The following TSHR variants were observed in gnomAD, a reference collection of about 807,000 sequenced individuals.
The protein encoded by TSHR is thyroid stimulating hormone receptor, also known as thyrotropin receptor.
Under a neutral mutation model 64.1 loss-of-function variants are expected in TSHR, and 51 were observed. That is an observed-to-expected ratio of 0.80 (90% CI 0.64 to 1.01). TSHR has a LOEUF of 1.01. TSHR is among the 50% of genes least tolerant of loss of function. The probability of loss-of-function intolerance (pLI) is 0.00; values close to 1 mark genes in which losing one functional copy is unlikely to be tolerated. For missense variants in TSHR, 877 were observed against 942.8 expected, an observed-to-expected ratio of 0.93 and a Z score of 0.91; for synonymous variants, 361 against 361.9, an observed-to-expected ratio of 1.00 and a Z score of 0.03.
chr14:81,096,572 C>G, intron 6 of TSHR, 67 bp from the exon 7 acceptor site: 1 of 1,501,842 alleles, frequency 6.7e-7, no homozygotes, highest in South Asian at 1.1e-5. Flanking sequence ...TATAGTCCAA[C>G]TCTCCAGAAA....
intron 1 of TSHR, among the ~76,000 whole-genome samples, chr14:81,027,469 G>A (rs190612377): frequency 6.6e-6 from 1 of 152,154 alleles, no homozygotes; most frequent in Admixed American, 6.5e-5. Context: ...TCTAAAAAAG[G>A]TGAGGGCATA....
At chr14:81,047,664 CTTTT>C (rs11462189) in intron 1 of TSHR, among the ~76,000 whole-genome samples, 2 of 135,496 alleles carry the variant, frequency 1.5e-5, no homozygotes, top group Non-Finnish European at 1.6e-5. Context: ...TTCATTGGCT[CTTTT>C]TTTTTTTTTT....
intron 1 of TSHR, among the ~76,000 whole-genome samples, chr14:81,037,145 A>G (rs1884666941): frequency 6.6e-6 from 1 of 152,090 alleles, no homozygotes; most frequent in South Asian, 2.1e-4. Flanking sequence ...CAGTCTCAAA[A>G]AAAAAATGTT....
At chr14:81,112,150 C>T (rs1168944106) in intron 8 of TSHR, among the ~76,000 whole-genome samples, 1 of 151,998 alleles carries the variant, frequency 6.6e-6, no homozygotes, top group African/African-American at 2.4e-5. Context: ...GACTCCCAGC[C>T]CCATCACTTA....
chr14:80,991,994 C>T (rs186894263), intron 1 of TSHR: 1 of 168,454 alleles, frequency 5.9e-6, no homozygotes, highest in East Asian at 1.6e-4. Context: ...CTTAAATGCT[C>T]TAAGTCTCTG....
intron 1 of TSHR, among the ~76,000 whole-genome samples, chr14:81,019,680 A>G (rs1413806334): frequency 6.6e-6 from 1 of 150,380 alleles, no homozygotes; most frequent in African/African-American, 2.5e-5. Flanking sequence ...TTATTGTTCA[A>G]CTCCCACTTA....
At chr14:81,110,752 A>C (rs753466109) in intron 8 of TSHR, among the ~76,000 whole-genome samples, 16 of 152,230 alleles carry the variant, frequency 1.1e-4, no homozygotes, top group Admixed American at 9.2e-4. Context: ...ATCTTAGTTT[A>C]ATAAATGCAG....
chr14:81,120,578 G>T (rs537023830), intron 8 of TSHR, among the ~76,000 whole-genome samples: 2 of 152,258 alleles, frequency 1.3e-5, no homozygotes, highest in Admixed American at 6.5e-5. Context: ...CAGGTTTTTG[G>T]TGGAGGCTTT....
chr14:81,038,545 A>C lies in TSHR; in HGVS notation c.171-23603A>C, dbSNP rs540869037. Among the ~76,000 whole-genome samples, 5 of 151,568 alleles carry C rather than the reference A, an allele frequency of 3.3e-5. No homozygotes were observed. In the East Asian group the frequency reaches 9.6e-4, roughly 29 times the overall value. ...AAAAATAGAAAACATCAATGAAACAAAGAATTATTTTTTAAAAAGATAAAC... is the reference window on the plus strand; with the variant it reads ...AAAAATAGAAAACATCAATGAAACACAGAATTATTTTTTAAAAAGATAAAC... On this transcript the variant is annotated intron_variant, in intron 1 of 9. Transcript: ENST00000298171.
chr14:81,084,870 G>T (rs1195580753), intron 3 of TSHR, among the ~76,000 whole-genome samples: 1 of 152,176 alleles, frequency 6.6e-6, no homozygotes, highest in Non-Finnish European at 1.5e-5. Flanking sequence ...CTGATTAGAT[G>T]TTCTTTTGTA....
At chr14:81,009,657 C>T (rs116307548) in intron 1 of TSHR, among the ~76,000 whole-genome samples, 1,804 of 152,018 alleles carry the variant, frequency 0.012, 21 homozygotes, top group African/African-American at 0.016. Flanking sequence ...CTATAGCTTA[C>T]TTTCTTGACT....
rs10528934 is a variant in TSHR, at chr14:81,067,927, CTATATA to C, written c.243-305_243-300del. Among the ~76,000 whole-genome samples, 811 of 95,786 alleles carry C rather than the reference CTATATA, an allele frequency of 8.5e-3. 62 individuals are homozygous for C. The highest frequency in any genetic ancestry group is 0.046 in the African/African-American group (774 of 16,882). The allele number at this position is 95,786 out of a possible 152,430, so 62.8% of individuals were successfully genotyped here. A position where few individuals can be genotyped will look rare whatever the true frequency, so the allele number is the denominator to read the frequency against. ...TAGTGGAACATTCCACAGGGTGACA[CTATATA>C]TATATATATATATATATATATCGCT... On this transcript the variant is annotated intron_variant, in intron 2 of 9. Coordinates refer to ENST00000298171, the MANE Select transcript of TSHR (RefSeq NM_000369.5).
At chr14:81,093,851 TA>T (rs1261183872) in intron 6 of TSHR, 13 of 152,234 alleles carry the variant, frequency 8.5e-5, no homozygotes, top group African/African-American at 3.1e-4. Flanking sequence ...ACTTCCTCAG[TA>T]AAGCTTTCCA....
chr14:80,985,820 T>C (rs540163449), intron 1 of TSHR, among the ~76,000 whole-genome samples: 2 of 152,296 alleles, frequency 1.3e-5, no homozygotes, highest in East Asian at 3.9e-4. Flanking sequence ...ATAGAATATA[T>C]ACAAGGGGTA....
chr14:81,068,346 T>C lies in TSHR; in HGVS notation c.317+18T>C, dbSNP rs778096093. The C allele has an allele frequency of 1.2e-6, 2 of 1,611,370 alleles. No individual in the cohort carries two copies. The highest frequency in any genetic ancestry group is 2.2e-5 in the East Asian group (1 of 44,794). On this transcript the variant is annotated intron_variant, in intron 3 of 9. Transcript: ENST00000298171. ...ACTCACATGTAAGTACAAGGAAAAG[T>C]GCAGCATAGACCTAAGCCACAACCA...
intron 1 of TSHR, among the ~76,000 whole-genome samples, chr14:80,963,257 A>G (rs991541182): frequency 1.3e-5 from 2 of 152,224 alleles, no homozygotes; most frequent in African/African-American, 4.8e-5. Flanking sequence ...AATTTTCCCA[A>G]GCTAAAAAAT....
intron 1 of TSHR, chr14:81,050,073 G>A (rs1566780216): frequency 2.0e-5 from 3 of 152,114 alleles, no homozygotes; most frequent in Non-Finnish European, 4.4e-5. Context: ...ATGAAATCAA[G>A]TAAATTTTTA....
At chr14:81,032,651 G>T in intron 1 of TSHR, 1 of 418,320 alleles carries the variant, frequency 2.4e-6, no homozygotes, top group South Asian at 2.1e-5. Context: ...CAGGAAGATA[G>T]AGAGTTGTCG....
intron 4 of TSHR, among the ~76,000 whole-genome samples, chr14:81,089,701 A>G (rs1267478427): frequency 2.0e-5 from 3 of 152,144 alleles, no homozygotes; most frequent in African/African-American, 7.2e-5. Flanking sequence ...GAATAGAAAG[A>G]TCTTGATCCA....
Sources: gnomAD v4.1 joint callset for allele counts (sites outside exome capture counted in the v4.1 genomes callset) on GRCh38, gnomAD v4.1.1 for gene constraint, MANE v1.5 for transcripts, NCBI Gene and HGNC (gene_info 2026-07-23, HGNC 2026-07-21) for gene names.